Variants in MYOM3 observed in about 807,000 individuals in gnomAD.
MYOM3 encodes myomesin 3, also known as myomesin-3.
A neutral mutation model predicts 191.7 loss-of-function variants in MYOM3; 155 were observed. The observed-to-expected ratio is 0.81, with a 90% CI of 0.71 to 0.92. The LOEUF (loss-of-function observed/expected upper bound fraction) is 0.92. Ranked by LOEUF, MYOM3 falls within the 40% of genes least tolerant of loss-of-function variation. The pLI is 0.00. For missense variants in MYOM3, 1,889 were observed against 1,890.6 expected (o/e 1.00, Z 0.02); for synonymous variants, 757 against 762.9 (o/e 0.99, Z 0.13).
Position 24,076,137 on chromosome 1 carries a change from TGGCCTCTCC to T in MYOM3, c.2701+13_2701+21del. 1 of 1,595,360 alleles carries T rather than the reference TGGCCTCTCC, an allele frequency of 6.3e-7. No homozygotes were observed. Among genetic ancestry groups the T allele is most frequent in the Non-Finnish European group, 8.6e-7 (1 of 1,162,930 alleles). ...GTGGCGTAGCCCAGTGGCAGAGCTC[TGGCCTCTCC>T]GGCCACCCCTACCTGGCTTGTCCTC... On this transcript the variant is annotated intron_variant, in intron 21 of 36. Transcript: ENST00000374434.
Position 24,066,339 on chromosome 1 carries a change from G to A in MYOM3, c.3424-338C>T, listed in dbSNP as rs796804084. The A allele has an allele frequency of 1.1e-5, 7 of 658,930 alleles. No homozygotes were observed. The South Asian group carries it at 1.1e-4, about 10-fold the overall frequency. 40.8% of individuals were successfully genotyped at this position (658,930 alleles called of 1,614,324 possible). ...GCATGAGGGATGCTGTTTTCCAATG[G>A]TCCTGCCTTGAACATGGGCTCCCAA... On this transcript the variant is annotated intron_variant, in intron 28 of 36. Coordinates refer to ENST00000374434, the MANE Select transcript of MYOM3 (RefSeq NM_152372.4).
At chr1:24,091,047 C>T in intron 11 of MYOM3, 51 bp from the exon 12 acceptor site, 1 of 1,587,016 alleles carries the variant, frequency 6.3e-7, no homozygotes, top group Non-Finnish European at 8.6e-7. Flanking sequence ...TGCACACCTT[C>T]CCAATGTGAG....
At chr1:24,071,281 G>T in intron 24 of MYOM3, 28 bp from the exon 25 acceptor site, 1 of 1,594,352 alleles carries the variant, frequency 6.3e-7, no homozygotes, top group Non-Finnish European at 8.5e-7. Flanking sequence ...GGAAGGGGGT[G>T]GGTTGGACCC....
chr1:24,082,384 C>T, intron 17 of MYOM3, 196 bp from the exon 18 acceptor site: 1 of 881,480 alleles, frequency 1.1e-6, no homozygotes, highest in Non-Finnish European at 1.7e-6. Flanking sequence ...TTCCCCACCC[C>T]CCAGAGCTGC....
At chr1:24,085,272 GGATGGATA>G (rs1327205548) in intron 15 of MYOM3, among the ~76,000 whole-genome samples, 7 of 138,272 alleles carry the variant, frequency 5.1e-5, no homozygotes, top group Non-Finnish European at 9.3e-5. Flanking sequence ...ATGCATGGAT[GGATGGATA>G]GATGGATGGA....
At chr1:24,073,538 A>C (rs1339651425) in intron 23 of MYOM3, among the ~76,000 whole-genome samples, 2 of 152,194 alleles carry the variant, frequency 1.3e-5, no homozygotes, top group African/African-American at 4.8e-5. Flanking sequence ...AGAAGGAAAC[A>C]AAAATAATTC....
At chr1:24,060,530 G>T (rs1643357653) in intron 35 of MYOM3, among the ~76,000 whole-genome samples, 1 of 152,140 alleles carries the variant, frequency 6.6e-6, no homozygotes, top group Non-Finnish European at 1.5e-5. Flanking sequence ...CATCTGCTGG[G>T]CCAGTGAGAG....
At chr1:24,096,322 C>T (rs943982793) in intron 7 of MYOM3, among the ~76,000 whole-genome samples, 4 of 152,136 alleles carry the variant, frequency 2.6e-5, no homozygotes, top group African/African-American at 4.8e-5. Context: ...GTGGTAGTGG[C>T]GGTGAGTGGA....
intron 19 of MYOM3, 47 bp from the exon 20 acceptor site, chr1:24,080,241 G>A (rs1261380254): frequency 9.3e-6 from 14 of 1,500,266 alleles, no homozygotes; most frequent in Non-Finnish European, 1.3e-5. Flanking sequence ...TGGGCAGCCA[G>A]GCAGCCAGCC....
intron 4 of MYOM3, among the ~76,000 whole-genome samples, chr1:24,106,866 G>A (rs932307690): frequency 6.6e-5 from 10 of 152,198 alleles, no homozygotes; most frequent in African/African-American, 2.4e-4. Context: ...ACTGCGCCCA[G>A]CCCAATTTTA....
intron 5 of MYOM3, among the ~76,000 whole-genome samples, chr1:24,102,253 G>A (rs1002561645): frequency 5.9e-5 from 9 of 152,060 alleles, no homozygotes; most frequent in African/African-American, 1.7e-4. Flanking sequence ...AAGGAGCTCC[G>A]CTAAACCTCC....
chr1:24,106,361 G>T (rs554427165), intron 4 of MYOM3, among the ~76,000 whole-genome samples: 31 of 152,280 alleles, frequency 2.0e-4, no homozygotes, highest in Admixed American at 1.8e-3. Context: ...ACCCACTGTG[G>T]GGGTGTGGGG....
chr1:24,067,386 T>TTCTTTCTCTTTCTTTCTTTC (rs71779971), intron 27 of MYOM3, among the ~76,000 whole-genome samples: 3 of 47,862 alleles, frequency 6.3e-5, no homozygotes, highest in African/African-American at 8.1e-5. Context: ...CTTTCTTTCT[T>TTCTTTCTCTTTCTTTCTTTC]TTTCCTTCCT....
chr1:24,071,096 G>C, intron 25 of MYOM3, 21 bp downstream of exon 25: 1 of 1,611,820 alleles, frequency 6.2e-7, no homozygotes, highest in Admixed American at 1.7e-5. Context: ...CTCACTTCAG[G>C]GATTGTGAGC....
Position 24,063,917 on chromosome 1 carries a change from G to T in MYOM3, c.3622+155C>A, listed in dbSNP as rs2148542095. Reference sequence around the variant, plus strand: ...TCACACCGACCTGGCTCCTGCCACTGACTAGATGTGGAATCTTGGGCAAGT... The same window carrying T: ...TCACACCGACCTGGCTCCTGCCACTTACTAGATGTGGAATCTTGGGCAAGT... On this transcript the variant is annotated intron_variant, in intron 30 of 36. Coordinates refer to ENST00000374434, the MANE Select transcript of MYOM3 (RefSeq NM_152372.4). The surrounding 1 kb of genome is among the most constrained non-coding windows in gnomAD (Gnocchi z 4.5). The T allele has an allele frequency of 1.5e-6, 1 of 646,976 alleles. No individual in the cohort carries two copies. Among genetic ancestry groups the T allele is most frequent in the South Asian group, 1.9e-5 (1 of 52,234 alleles). 40.1% of individuals were successfully genotyped at this position (646,976 alleles called of 1,614,324 possible).
intron 14 of MYOM3, 63 bp from the exon 15 acceptor site, chr1:24,086,890 C>T: frequency 6.6e-7 from 1 of 1,509,018 alleles, no homozygotes; most frequent in Non-Finnish European, 9.1e-7. Context: ...GTGCTGGTCA[C>T]CTCCCATGAT....
intron 29 of MYOM3, among the ~76,000 whole-genome samples, chr1:24,065,370 C>T (rs982641744): frequency 2.0e-5 from 3 of 152,198 alleles, no homozygotes; most frequent in African/African-American, 7.2e-5. Context: ...AACCAGGCCA[C>T]GGTCCACCAA....
chr1:24,078,122 G>T (rs1488811593), intron 20 of MYOM3, among the ~76,000 whole-genome samples: 3 of 130,822 alleles, frequency 2.3e-5, no homozygotes, highest in Non-Finnish European at 5.0e-5. Context: ...TATTTTTAGA[G>T]ATTTTTTTTT....
chr1:24,088,120 G>A (rs1643770178), intron 14 of MYOM3, among the ~76,000 whole-genome samples: 1 of 152,168 alleles, frequency 6.6e-6, no homozygotes, highest in South Asian at 2.1e-4. Context: ...GGCAGATGGA[G>A]GGTGGAGAGC....
Sources: allele counts gnomAD v4.1 joint callset (sites outside exome capture counted in the v4.1 genomes callset), GRCh38; gene constraint gnomAD v4.1.1; non-coding constraint Gnocchi (gnomAD v3.1); transcripts MANE v1.5; gene names NCBI Gene and HGNC (gene_info 2026-07-23, HGNC 2026-07-21).